UBR1: variants seen among roughly 807,000 people sequenced by gnomAD.
UBR1 encodes the protein ubiquitin protein ligase E3 component n-recognin 1, also known as E3 ubiquitin-protein ligase UBR1.
In UBR1, 102 loss-of-function variants were observed where a neutral mutation model predicts 242.1. That is an observed-to-expected ratio of 0.42 (90% CI 0.36 to 0.50). The LOEUF (loss-of-function observed/expected upper bound fraction) is 0.50. Ranked by LOEUF, UBR1 falls within the 20% of genes least tolerant of loss-of-function variation. The probability of loss-of-function intolerance (pLI) is 0.01; values close to 1 mark genes in which losing one functional copy is unlikely to be tolerated. For synonymous variants in UBR1, 675 were observed against 684.8 expected (o/e 0.99, Z 0.22); for missense variants, 1,772 against 2,101.8 (o/e 0.84, Z 3.07).
rs1298587327 is a variant in UBR1, at chr15:43,102,177, T to C, written c.81+3765A>G. 2.0e-5 allele frequency among the ~76,000 whole-genome samples: 3 copies of C among 152,280 alleles called. No individual in the cohort carries two copies. In the East Asian group the frequency reaches 5.8e-4, roughly 29 times the overall value. ...GCAGATATCATCTATTCCTTACCTT[T>C]TGCCTCATGCCTAATCTATCAGCAA... On this transcript the variant is annotated intron_variant, in intron 1 of 46. Transcript: ENST00000290650.
At chr15:42,949,852 T>A (rs1328172392) in intron 46 of UBR1, among the ~76,000 whole-genome samples, 2 of 118,442 alleles carry the variant, frequency 1.7e-5, no homozygotes, top group Non-Finnish European at 4.2e-5. Flanking sequence ...CTCAATTACT[T>A]TTTTTTTTTT....
chr15:42,981,274 A>G (rs550061561), intron 37 of UBR1, among the ~76,000 whole-genome samples: 7 of 152,300 alleles, frequency 4.6e-5, no homozygotes, highest in Admixed American at 3.9e-4. Context: ...TTCTAACTAT[A>G]GATGCCACTA....
At chr15:43,031,745 G>A (rs917652087) in intron 20 of UBR1, among the ~76,000 whole-genome samples, 2 of 152,156 alleles carry the variant, frequency 1.3e-5, no homozygotes, top group Admixed American at 6.5e-5. Flanking sequence ...GATGACAGCC[G>A]GGCGCGGTGG....
intron 33 of UBR1, among the ~76,000 whole-genome samples, chr15:42,994,327 C>G (rs886444546): frequency 3.1e-5 from 4 of 127,378 alleles, no homozygotes; most frequent in African/African-American, 8.9e-5. Context: ...GTGGGAGAAT[C>G]ACTTGAGGTC....
chr15:43,063,836 A>C (rs538153996), intron 6 of UBR1, among the ~76,000 whole-genome samples: 1 of 152,244 alleles, frequency 6.6e-6, no homozygotes, highest in East Asian at 1.9e-4. Flanking sequence ...TCCTGGGTTC[A>C]AGTGATTCTC....
chr15:43,033,843 C>T (rs1394920301), intron 19 of UBR1, among the ~76,000 whole-genome samples: 1 of 151,998 alleles, frequency 6.6e-6, no homozygotes. Context: ...GTGGCTCACG[C>T]CTATAATCCC....
chr15:43,104,124 A>G (rs779346898), intron 1 of UBR1, among the ~76,000 whole-genome samples: 1 of 152,186 alleles, frequency 6.6e-6, no homozygotes, highest in Non-Finnish European at 1.5e-5. Context: ...ATATTACACA[A>G]TCTACCTACT....
intron 37 of UBR1, among the ~76,000 whole-genome samples, chr15:42,983,076 T>C (rs2141271814): frequency 6.6e-6 from 1 of 152,320 alleles, no homozygotes; most frequent in African/African-American, 2.4e-5. Context: ...TTAGTAAATT[T>C]CTAACTTGTT....
chr15:43,048,486 A>G lies in UBR1; in HGVS notation c.1445T>C (p.Ile482Thr). The change falls in exon 13 of 47, where the codon ATC (isoleucine) becomes ACC (threonine). Residue 482 changes from isoleucine (I) to threonine (T), a missense_variant. Physicochemically the swap from Ile to Thr is moderately conservative, Grantham distance 89. Transcript: ENST00000290650. The part of the protein sequence containing the change: ...VYAVICDLKY[I>T]LISKPTIWTE... ...CCATATTGTGGGTTTGCTGATCAGG[A>G]TATACCTATCGTTTCAAGAAAGAAA... The G allele has an allele frequency of 1.2e-6, 2 of 1,611,046 alleles. No individual in the cohort carries two copies. Among genetic ancestry groups the G allele is most frequent in the Non-Finnish European group, 1.7e-6 (2 of 1,177,644 alleles).
intron 9 of UBR1, 97 bp downstream of exon 9, chr15:43,058,988 A>G: frequency 1.1e-6 from 1 of 941,188 alleles, no homozygotes; most frequent in Non-Finnish European, 1.7e-6. Flanking sequence ...TACAGATTTA[A>G]TAACTAATTT....
At chr15:42,996,323 ACACTGGC>A (rs1233926793) in intron 33 of UBR1, among the ~76,000 whole-genome samples, 2 of 152,196 alleles carry the variant, frequency 1.3e-5, no homozygotes, top group African/African-American at 4.8e-5. Flanking sequence ...TAGGCTGGGC[ACACTGGC>A]TCATGCCTGT....
intron 33 of UBR1, among the ~76,000 whole-genome samples, chr15:42,990,987 G>C (rs2032548734): frequency 1.3e-5 from 2 of 150,810 alleles, no homozygotes; most frequent in African/African-American, 4.9e-5. Flanking sequence ...CAAGAGATGA[G>C]GTCTTAGCTG....
intron 6 of UBR1, among the ~76,000 whole-genome samples, chr15:43,062,026 G>A (rs1229996196): frequency 6.6e-6 from 1 of 152,058 alleles, no homozygotes; most frequent in Non-Finnish European, 1.5e-5. Flanking sequence ...AGAAACCCTT[G>A]TGCATTGCTG....
chr15:43,004,640 C>T (rs1006740412), intron 30 of UBR1, among the ~76,000 whole-genome samples: 1 of 152,246 alleles, frequency 6.6e-6, no homozygotes, highest in Admixed American at 6.5e-5. Flanking sequence ...CTCAGCCTCC[C>T]GAGGTGCCGG....
intron 15 of UBR1, 24 bp from the exon 16 acceptor site, chr15:43,038,256 A>G (rs764058324): frequency 2.5e-6 from 4 of 1,612,412 alleles, no homozygotes; most frequent in Non-Finnish European, 3.4e-6. Flanking sequence ...AACGAGAGAG[A>G]AAATGAGAAA....
intron 43 of UBR1, 83 bp downstream of exon 43, chr15:42,960,562 C>G: frequency 7.3e-7 from 1 of 1,377,766 alleles, no homozygotes; most frequent in Non-Finnish European, 1.0e-6. Flanking sequence ...AGAAAGCAGA[C>G]TAGAAACTAT....
intron 11 of UBR1, among the ~76,000 whole-genome samples, 156 bp downstream of exon 11, chr15:43,056,188 G>A (rs956423585): frequency 5.3e-5 from 8 of 152,328 alleles, no homozygotes; most frequent in Admixed American, 1.3e-4. Context: ...CCAAGGCAGC[G>A]CCTAGTTAAC....
chr15:43,010,934 G>C (rs935120255), intron 29 of UBR1, among the ~76,000 whole-genome samples: 2 of 152,056 alleles, frequency 1.3e-5, no homozygotes, highest in East Asian at 3.9e-4. Flanking sequence ...AGGTTGCAGT[G>C]AGCCGAGATC....
Position 43,068,051 on chromosome 15 carries a change from A to T in UBR1, c.660-15T>A. ...CATTTTTCTCCCTGTTAGAAAAAAA[A>T]CATATATATTTGGATACTACAACAA... On this transcript the variant is annotated splice_polypyrimidine_tract_variant and intron_variant, in intron 5 of 46. Transcript: ENST00000290650. The T allele has an allele frequency of 6.3e-7, 1 of 1,592,428 alleles. No individual in the cohort carries two copies. Among genetic ancestry groups the T allele is most frequent in the East Asian group, 2.2e-5 (1 of 44,768 alleles).
Sources: allele counts gnomAD v4.1 joint callset (sites outside exome capture counted in the v4.1 genomes callset), GRCh38; gene constraint gnomAD v4.1.1; transcripts MANE v1.5; gene names NCBI Gene and HGNC (gene_info 2026-07-23, HGNC 2026-07-21).